The following FKBP5 variants were observed in gnomAD, a reference collection of about 807,000 sequenced individuals.
The protein encoded by FKBP5 is FKBP prolyl isomerase 5, also known as peptidyl-prolyl cis-trans isomerase FKBP5.
Under a neutral mutation model 50.5 loss-of-function variants are expected in FKBP5, and 23 were observed. The ratio of observed to expected loss-of-function variants is 0.46; its 90% CI spans 0.33 to 0.65. FKBP5 has a LOEUF of 0.65. Among genes scored for constraint, FKBP5 ranks in the 30% least tolerant of loss-of-function variants. The pLI is 0.02. For missense variants in FKBP5, 411 were observed against 553.1 expected, an observed-to-expected ratio of 0.74 and a Z score of 2.58; for synonymous variants, 176 against 190.6, an observed-to-expected ratio of 0.92 and a Z score of 0.63.
intron 5 of FKBP5, among the ~76,000 whole-genome samples, chr6:35,613,461 C>T (rs148383955): frequency 1.3e-5 from 2 of 152,268 alleles, no homozygotes; most frequent in African/African-American, 4.8e-5. Context: ...CGTGATCTGC[C>T]CACCTCGGCC....
At chr6:35,636,376 C>T (rs1561869426) in intron 3 of FKBP5, among the ~76,000 whole-genome samples, 1 of 152,202 alleles carries the variant, frequency 6.6e-6, no homozygotes, top group African/African-American at 2.4e-5. Flanking sequence ...CTGCCAAATA[C>T]TGAATCAAGT....
intron 1 of FKBP5, among the ~76,000 whole-genome samples, chr6:35,679,707 T>G (rs1277577263): frequency 6.6e-6 from 1 of 152,062 alleles, no homozygotes; most frequent in African/African-American, 2.4e-5. Context: ...CACCTATAAG[T>G]GGGAGATAAA....
In FKBP5 at chr6:35,623,112, A is replaced by G. The variant is rs9357200; in HGVS notation, c.251-2838T>C. Among the ~76,000 whole-genome samples the G allele has an allele frequency of 1.1e-3, 169 of 152,130 alleles. 2 individuals are homozygous for G. In the East Asian group the frequency reaches 0.03, roughly 27 times the overall value. On this transcript the variant is annotated intron_variant, in intron 3 of 10. Coordinates refer to ENST00000357266, the MANE Select transcript of FKBP5 (RefSeq NM_004117.4). The stretch of plus-strand genomic sequence containing the variant: ...AAAAAATTAGCCAGGCGTGGTGGCT[A>G]GCGCCTGTAGTCCCAGCTACTCCGG...
At chr6:35,654,053 ACT>A (rs1364411270) in intron 1 of FKBP5, among the ~76,000 whole-genome samples, 3 of 152,240 alleles carry the variant, frequency 2.0e-5, no homozygotes, top group East Asian at 1.9e-4. Flanking sequence ...TCCCCAAGAT[ACT>A]ATATCTCATG....
chr6:35,641,733 G>A (rs1033101332), intron 2 of FKBP5, among the ~76,000 whole-genome samples: 4 of 152,088 alleles, frequency 2.6e-5, no homozygotes, highest in South Asian at 2.1e-4. Flanking sequence ...GGCCGGGCAC[G>A]GTGGCTCATG....
intron 5 of FKBP5, among the ~76,000 whole-genome samples, chr6:35,612,851 T>C (rs1310563853): frequency 1.3e-5 from 2 of 152,218 alleles, no homozygotes; most frequent in Non-Finnish European, 2.9e-5. Context: ...GTGGGGATTG[T>C]GGGAACTACA....
intron 5 of FKBP5, among the ~76,000 whole-genome samples, chr6:35,617,329 T>C (rs571856975): frequency 1.3e-5 from 2 of 152,272 alleles, no homozygotes; most frequent in East Asian, 3.9e-4. Flanking sequence ...TACTTTTTTT[T>C]TTTAAGGAGA....
Position 35,720,985 on chromosome 6 carries a change from A to G in FKBP5, c.-240-437T>C, listed in dbSNP as rs147057978. Among the ~76,000 whole-genome samples the G allele has an allele frequency of 4.6e-5, 7 of 152,356 alleles. No homozygotes were observed. The East Asian group carries it at 9.6e-4, about 21-fold the overall frequency. On this transcript the variant is annotated intron_variant, in intron 1 of 11. Coordinates refer to the FKBP5 transcript ENST00000536438. ...GCTAGTCTAGGATCCCACTGGTAGTACATGAAAAAGGCAAGGCTTGAAGTC... is the reference window on the plus strand; with the variant it reads ...GCTAGTCTAGGATCCCACTGGTAGTGCATGAAAAAGGCAAGGCTTGAAGTC...
In FKBP5 at chr6:35,664,136, C is replaced by T. The variant is rs117453083; in HGVS notation, c.-19-21293G>A. Among the ~76,000 whole-genome samples, 196 of 152,286 alleles carry T rather than the reference C, an allele frequency of 1.3e-3. 2 individuals are homozygous for T. The East Asian group carries it at 0.029, about 23-fold the overall frequency. On this transcript the variant is annotated intron_variant, in intron 1 of 10. Transcript: ENST00000357266. The stretch of plus-strand genomic sequence containing the variant: ...GGCTCCATGCTGACAAGCACTAAGC[C>T]AGCAAAAATTCTGAATTCACAGTAT...
chr6:35,617,587 TTC>T (rs1370574898), intron 5 of FKBP5, among the ~76,000 whole-genome samples: 2 of 152,240 alleles, frequency 1.3e-5, no homozygotes, highest in African/African-American at 2.4e-5. Context: ...ATGGAAGTAT[TTC>T]TCTGTTTTCT....
At chr6:35,667,939 T>C (rs995596347) in intron 1 of FKBP5, among the ~76,000 whole-genome samples, 1 of 152,146 alleles carries the variant, frequency 6.6e-6, no homozygotes, top group African/African-American at 2.4e-5. Context: ...CACTCCAGCC[T>C]GGGTGACAGA....
At position 35,720,504 on chromosome 6, in the gene FKBP5, G is replaced by A. The variant is rs796315450; in HGVS notation, c.-196C>T. On this transcript the variant is annotated 5_prime_UTR_variant, in exon 2 of 12. Transcript: ENST00000536438. The stretch of plus-strand genomic sequence containing the variant: ...GGCTTCCGCTCTGCCCAAAGAGAAT[G>A]TGAGGTCCTCAAGGGTGGGCGCAGT... 2.0e-5 allele frequency: 3 copies of A among 152,510 alleles called. 1 individual carries two copies. Among genetic ancestry groups the A allele is most frequent in the African/African-American group, 7.2e-5 (3 of 41,588 alleles). The allele number at this position is 152,510 out of a possible 1,614,324, so 9.4% of individuals were successfully genotyped here. A position where few individuals can be genotyped will look rare whatever the true frequency, so the allele number is the denominator to read the frequency against.
At chr6:35,712,691 G>T (rs577838293) in intron 2 of FKBP5, among the ~76,000 whole-genome samples, 1 of 152,252 alleles carries the variant, frequency 6.6e-6, no homozygotes, top group Admixed American at 6.5e-5. Context: ...ACCGCCAACA[G>T]GTATCTCCCA....
intron 8 of FKBP5, chr6:35,582,720 T>C (rs1762473985): frequency 1.0e-6 from 1 of 985,262 alleles, no homozygotes; most frequent in Admixed American, 6.2e-5. Flanking sequence ...ACCACTCCTT[T>C]TTTGGATGCT....
chr6:35,598,909 A>T (rs1303837681), intron 5 of FKBP5, among the ~76,000 whole-genome samples: 1 of 152,158 alleles, frequency 6.6e-6, no homozygotes, highest in Non-Finnish European at 1.5e-5. Flanking sequence ...CGGAGGTTGC[A>T]GTGAACTGAG....
At chr6:35,706,516 T>C (rs1157831448) in intron 2 of FKBP5, among the ~76,000 whole-genome samples, 2 of 152,124 alleles carry the variant, frequency 1.3e-5, no homozygotes, top group Non-Finnish European at 2.9e-5. Flanking sequence ...ATTATGCAAT[T>C]TAATATAATG....
At chr6:35,687,483 T>C (rs1410151524) in intron 1 of FKBP5, among the ~76,000 whole-genome samples, 1 of 152,176 alleles carries the variant, frequency 6.6e-6, no homozygotes, top group Non-Finnish European at 1.5e-5. Context: ...ACTTTATAAT[T>C]CTCTAAAGTA....
At chr6:35,584,806 A>AT in intron 8 of FKBP5, 2 of 985,342 alleles carry the variant, frequency 2.0e-6, no homozygotes, top group Non-Finnish European at 2.4e-6. Context: ...GTTAAAAATA[A>AT]TTTTTTCCAT....
At chr6:35,683,579 C>T (rs1036245323) in intron 1 of FKBP5, among the ~76,000 whole-genome samples, 1 of 151,562 alleles carries the variant, frequency 6.6e-6, no homozygotes, top group Non-Finnish European at 1.5e-5. Flanking sequence ...AATTTGCTTG[C>T]CTCAGCCTCT....
Sources: gnomAD v4.1 joint callset for allele counts (sites outside exome capture counted in the v4.1 genomes callset) on GRCh38, gnomAD v4.1.1 for gene constraint, MANE v1.5 for transcripts, NCBI Gene and HGNC (gene_info 2026-07-23, HGNC 2026-07-21) for gene names.